The following PUM2 variants were observed in gnomAD, a reference collection of about 807,000 sequenced individuals.
PUM2 encodes pumilio homolog 2.
In PUM2, 57 loss-of-function variants were observed where a neutral mutation model predicts 124.5. The observed-to-expected ratio is 0.46, with a 90% CI of 0.37 to 0.57. The LOEUF (loss-of-function observed/expected upper bound fraction) is 0.57. PUM2 is among the 20% of genes least tolerant of loss of function. The pLI, the probability that PUM2 is intolerant of heterozygous loss-of-function variation, is 0.00. For missense variants in PUM2, 1,065 were observed against 1,290.6 expected (o/e 0.83, Z 2.68); for synonymous variants, 460 against 446.1 (o/e 1.03, Z -0.39).
intron 7 of PUM2, among the ~76,000 whole-genome samples, chr2:20,304,028 A>G (rs113354533): frequency 3.5e-3 from 538 of 152,292 alleles, no homozygotes; most frequent in African/African-American, 0.012. Flanking sequence ...ATTATCTTAC[A>G]TGAGAGTTTC....
rs777229219 is a variant in PUM2, at chr2:20,312,278, A to C, written c.306T>G (p.Ser102=). Residue 102 remains serine (S), a synonymous_variant, in exon 4 of 21, where the codon TCT becomes TCG. Coordinates refer to ENST00000361078, the MANE Select transcript of PUM2 (RefSeq NM_015317.5). ...VSMVEYVLSS[S]PADKLDSRFR... ...ATCGAGAATCCAATTTATCAGCAGG[A>C]GAAGAACTTAATACATATTCTACCA... The C allele has an allele frequency of 3.8e-5, 61 of 1,611,642 alleles. No individual in the cohort carries two copies. The highest frequency in any genetic ancestry group is 1.6e-4 in the Middle Eastern group (1 of 6,080).
chr2:20,302,254 T>A (rs982920511), intron 7 of PUM2, among the ~76,000 whole-genome samples: 1 of 152,184 alleles, frequency 6.6e-6, no homozygotes, highest in Non-Finnish European at 1.5e-5. Flanking sequence ...ATTTCTAGAT[T>A]ATTTTCCAGG....
At chr2:20,345,192 T>C (rs1043245839) in intron 1 of PUM2, among the ~76,000 whole-genome samples, 1 of 151,200 alleles carries the variant, frequency 6.6e-6, no homozygotes, top group Non-Finnish European at 1.5e-5. Context: ...CTCAGTCTCC[T>C]GGATTCAAGT....
chr2:20,254,324 A>G (rs1487208287), intron 19 of PUM2, among the ~76,000 whole-genome samples: 2 of 152,004 alleles, frequency 1.3e-5, no homozygotes, highest in Non-Finnish European at 2.9e-5. Context: ...CCACGCCTGG[A>G]TAATTTTTTG....
In PUM2 at chr2:20,307,981, T is replaced by C. The variant is rs1033744145; in HGVS notation, c.880A>G (p.Ile294Val). ...YALAAAQQPH[I>V]AGVFSAGLAP... ...ATGAGAACGTATGAAGACTCACCTA[T>C]ATGTGGCTGCTGAGCTGCTGCTAAT... The change falls in exon 7 of 21, where the codon ATA becomes GTA. Residue 294 changes from isoleucine (I) to valine (V), a missense_variant. Coordinates refer to ENST00000361078, the MANE Select transcript of PUM2 (RefSeq NM_015317.5). The C allele has an allele frequency of 6.2e-7, 1 of 1,613,448 alleles. No individual in the cohort carries two copies. Among genetic ancestry groups the C allele is most frequent in the South Asian group, 1.1e-5 (1 of 91,046 alleles).
chr2:20,265,644 T>C (rs1380551365), intron 13 of PUM2, among the ~76,000 whole-genome samples: 1 of 152,370 alleles, frequency 6.6e-6, no homozygotes, highest in South Asian at 2.1e-4. Flanking sequence ...TCCAATTTTA[T>C]ACACATCAAT....
intron 13 of PUM2, among the ~76,000 whole-genome samples, chr2:20,265,770 C>G (rs1422771355): frequency 2.0e-5 from 3 of 152,184 alleles, no homozygotes; most frequent in African/African-American, 7.2e-5. Context: ...AGTCATTAAT[C>G]CAAACCTATT....
At chr2:20,351,047 C>G (rs1056049046), upstream of PUM2, among the ~76,000 whole-genome samples, 1 of 152,214 alleles carries the variant, frequency 6.6e-6, no homozygotes, top group Admixed American at 6.5e-5. Flanking sequence ...CCGCCCTCAC[C>G]TTGCGGGCTC....
In PUM2 at chr2:20,258,421, G is replaced by C. The variant is rs1400677385; in HGVS notation, c.2356-50C>G. The C allele has an allele frequency of 2.5e-6, 4 of 1,575,524 alleles. No homozygotes were observed. In the South Asian group the frequency reaches 3.4e-5, roughly 13 times the overall value. On this transcript the variant is annotated intron_variant, in intron 15 of 20. Coordinates refer to ENST00000361078, the MANE Select transcript of PUM2 (RefSeq NM_015317.5). ...TAACAAGTGACCTTAATATTGCTTTGTTGAACTTGAGTAAGGCAGTGTTTG... is the reference window on the plus strand; with the variant it reads ...TAACAAGTGACCTTAATATTGCTTTCTTGAACTTGAGTAAGGCAGTGTTTG...
At chr2:20,326,316 A>G in intron 2 of PUM2, 1 of 1,303,896 alleles carries the variant, frequency 7.7e-7, no homozygotes, top group South Asian at 1.2e-5. Flanking sequence ...GTTCTGAAGA[A>G]GGGGAGGGTT....
chr2:20,328,566 G>A (rs1270776618), intron 1 of PUM2, among the ~76,000 whole-genome samples: 2 of 152,102 alleles, frequency 1.3e-5, no homozygotes, highest in African/African-American at 4.8e-5. Flanking sequence ...CCATAGCTGT[G>A]TTCAAAGATT....
chr2:20,350,935 T>A (rs929480415), upstream of PUM2: 6 of 282,464 alleles, frequency 2.1e-5, no homozygotes, highest in African/African-American at 6.9e-5. Context: ...ATGCCTTGCG[T>A]CCCTGCTCCC....
Position 20,261,394 on chromosome 2 carries a change from CAAAAAAAAAAAAA to C in PUM2, c.2226-941_2226-929del, listed in dbSNP as rs200294801. Reference sequence around the variant, plus strand: ...AAGCGACAGAGTGAGACTCTGTCTCCAAAAAAAAAAAAAAAAAAAAAAAAAAAAGTGTAGTACA... The same window carrying C: ...AAGCGACAGAGTGAGACTCTGTCTCCAAAAAAAAAAAAAAAGTGTAGTACA... On this transcript the variant is annotated intron_variant, in intron 14 of 20. Transcript: ENST00000361078. Among the ~76,000 whole-genome samples, 113 of 76,788 alleles carry C rather than the reference CAAAAAAAAAAAAA, an allele frequency of 1.5e-3. 2 individuals are homozygous for C. The highest frequency in any genetic ancestry group is 4.8e-3 in the African/African-American group (84 of 17,450). The allele number at this position is 76,788 out of a possible 152,430, so 50.4% of individuals were successfully genotyped here. A position where few individuals can be genotyped will look rare whatever the true frequency, so the allele number is the denominator to read the frequency against.
intron 3 of PUM2, among the ~76,000 whole-genome samples, chr2:20,317,322 A>T (rs923171134): frequency 1.3e-5 from 2 of 152,140 alleles, no homozygotes; most frequent in Non-Finnish European, 2.9e-5. Flanking sequence ...GTCTCTCCCC[A>T]CTACTTATGA....
chr2:20,318,047 T>C (rs1264377267), intron 3 of PUM2, among the ~76,000 whole-genome samples: 1 of 152,202 alleles, frequency 6.6e-6, no homozygotes, highest in Non-Finnish European at 1.5e-5. Flanking sequence ...TTGGGGTATA[T>C]ACCCAATAAT....
intron 13 of PUM2, among the ~76,000 whole-genome samples, chr2:20,265,249 C>CAAA (rs113132877): frequency 3.9e-5 from 3 of 77,676 alleles, no homozygotes; most frequent in East Asian, 6.7e-4. Context: ...GAAACCGTCA[C>CAAA]AAAAAAAAAA....
intron 7 of PUM2, among the ~76,000 whole-genome samples, chr2:20,298,621 C>A (rs1463126936): frequency 1.3e-5 from 2 of 152,074 alleles, no homozygotes; most frequent in Non-Finnish European, 2.9e-5. Flanking sequence ...GTAATCCCAG[C>A]ACTTTGGGAG....
rs1205230400 is a variant in PUM2 at position 20,260,342 on chromosome 2, A to G, written c.2350T>C (p.Phe784Leu). The change falls in exon 15 of 21, where the codon TTT becomes CTT. Residue 784 changes from phenylalanine (F) to leucine (L), a missense_variant. Physicochemically the swap from Phe to Leu is conservative, Grantham distance 22. Transcript: ENST00000361078. The stretch of plus-strand genomic sequence containing the variant: ...AAATATGCATGAATCCTTACCTCAA[A>G]AAACTTCTGTATAACATAGTTGCCA... Reference protein sequence around the residue: ...VFGNYVIQKFFEFGSLDQKLA... With the variant: ...VFGNYVIQKFLEFGSLDQKLA... 6.2e-7 allele frequency: 1 copy of G among 1,608,662 alleles called. No homozygotes were observed. Among genetic ancestry groups the G allele is most frequent in the Non-Finnish European group, 8.5e-7 (1 of 1,177,028 alleles).
intron 19 of PUM2, among the ~76,000 whole-genome samples, chr2:20,254,317 C>T (rs116367693): frequency 2.9e-4 from 44 of 152,144 alleles, no homozygotes; most frequent in African/African-American, 1.0e-3. Context: ...TGCGCCACCA[C>T]GCCTGGATAA....
Sources: gnomAD v4.1 joint callset for allele counts (sites outside exome capture counted in the v4.1 genomes callset) on GRCh38, gnomAD v4.1.1 for gene constraint, MANE v1.5 for transcripts, NCBI Gene and HGNC (gene_info 2026-07-23, HGNC 2026-07-21) for gene names.